Variants in VPS54 observed in about 807,000 individuals in gnomAD.
VPS54 encodes the protein vacuolar protein sorting-associated protein 54.
VPS54 carries 45 observed loss-of-function variants against 121.5 expected under a neutral mutation model. That is an observed-to-expected ratio of 0.37 (90% CI 0.29 to 0.47). VPS54 has a LOEUF of 0.47. VPS54 is among the 20% of genes least tolerant of loss of function. The pLI is 0.99. For synonymous variants in VPS54, 371 were observed against 385.8 expected (o/e 0.96, Z 0.45); for missense variants, 1,090 against 1,131.4 (o/e 0.96, Z 0.52).
intron 8 of VPS54, among the ~76,000 whole-genome samples, chr2:63,948,459 A>G (rs4517960): frequency 0.14 from 19,722 of 141,454 alleles, 2,541 homozygotes; most frequent in African/African-American, 0.35. Context: ...GCTATGTCAC[A>G]ATCATGGCTC....
At chr2:63,969,544 C>T (rs574931686) in intron 4 of VPS54, among the ~76,000 whole-genome samples, 2 of 152,112 alleles carry the variant, frequency 1.3e-5, no homozygotes, top group South Asian at 4.2e-4. Context: ...TCTCCCATCT[C>T]CCCCAGATGG....
At chr2:64,015,763 A>T (rs1272546732) in intron 1 of VPS54, among the ~76,000 whole-genome samples, 1 of 115,466 alleles carries the variant, frequency 8.7e-6, no homozygotes, top group African/African-American at 2.9e-5. Flanking sequence ...ATTTGGATTT[A>T]AAAAAATAAG....
intron 3 of VPS54, among the ~76,000 whole-genome samples, chr2:63,975,902 T>G (rs1052563202): frequency 2.0e-5 from 3 of 152,148 alleles, no homozygotes. Context: ...TGCGCCACCA[T>G]GCCCAGCTAA....
intron 2 of VPS54, among the ~76,000 whole-genome samples, chr2:63,982,526 C>A (rs757736680): frequency 6.6e-6 from 1 of 152,198 alleles, no homozygotes; most frequent in Non-Finnish European, 1.5e-5. Context: ...GTTTCATCAA[C>A]TGATCAATAC....
intron 15 of VPS54, 52 bp from the exon 16 acceptor site, chr2:63,917,015 T>A (rs117915035): frequency 6.3e-7 from 1 of 1,582,652 alleles, no homozygotes; most frequent in Non-Finnish European, 8.7e-7. Context: ...CGAAACAAAA[T>A]AGAGAAAAAG....
chr2:63,896,186 CTA>C (rs1306229453), intron 22 of VPS54, among the ~76,000 whole-genome samples: 7 of 152,138 alleles, frequency 4.6e-5, no homozygotes, highest in East Asian at 1.9e-4. Flanking sequence ...ATATCTGACT[CTA>C]TGTTGGTATA....
chr2:64,013,651 GATAT>G (rs920624746), intron 1 of VPS54, among the ~76,000 whole-genome samples: 1 of 140,478 alleles, frequency 7.1e-6, no homozygotes, highest in East Asian at 2.1e-4. Flanking sequence ...TCAATATATA[GATAT>G]ATATTGATAT....
At chr2:63,935,808 A>G (rs751253186) in intron 11 of VPS54, among the ~76,000 whole-genome samples, 22 of 152,212 alleles carry the variant, frequency 1.4e-4, no homozygotes, top group Non-Finnish European at 2.8e-4. Flanking sequence ...GGTTCAATCA[A>G]TTAAAGCCAA....
In VPS54 at chr2:64,016,243, T is replaced by C. The variant is rs191426584; in HGVS notation, c.-21+2695A>G. Among the ~76,000 whole-genome samples the C allele has an allele frequency of 3.3e-5, 5 of 152,364 alleles. No homozygotes were observed. The East Asian group carries it at 9.6e-4, about 29-fold the overall frequency. On this transcript the variant is annotated intron_variant, in intron 1 of 22. Coordinates refer to ENST00000272322, the MANE Select transcript of VPS54 (RefSeq NM_016516.3). ...CTCTTGAGGTTACTGAAGCCATTCATGCCTTCTCCAACTTTATGCTGAATA... is the reference window on the plus strand; with the variant it reads ...CTCTTGAGGTTACTGAAGCCATTCACGCCTTCTCCAACTTTATGCTGAATA...
At chr2:63,937,548 G>A (rs1013910260) in intron 11 of VPS54, among the ~76,000 whole-genome samples, 4 of 152,186 alleles carry the variant, frequency 2.6e-5, no homozygotes, top group Non-Finnish European at 4.4e-5. Flanking sequence ...TGGTGGAAAT[G>A]TAAAATGGTA....
intron 20 of VPS54, among the ~76,000 whole-genome samples, chr2:63,905,497 CA>C (rs1387993655): frequency 2.6e-5 from 4 of 151,060 alleles, no homozygotes; most frequent in Non-Finnish European, 5.9e-5. Context: ...AGATTACCCA[CA>C]TAGTTCTATA....
At chr2:64,004,387 A>C (rs1678028495) in intron 1 of VPS54, among the ~76,000 whole-genome samples, 1 of 152,236 alleles carries the variant, frequency 6.6e-6, no homozygotes, top group South Asian at 2.1e-4. Context: ...ATGGCGCCTA[A>C]GTATTACCTC....
At chr2:63,987,482 T>G (rs1409685609) in intron 1 of VPS54, among the ~76,000 whole-genome samples, 3 of 152,120 alleles carry the variant, frequency 2.0e-5, no homozygotes, top group Non-Finnish European at 4.4e-5. Context: ...TTTCTTTTTT[T>G]TGCATAGGAT....
intron 10 of VPS54, among the ~76,000 whole-genome samples, chr2:63,943,011 G>C (rs1674809125): frequency 6.6e-6 from 1 of 152,150 alleles, no homozygotes; most frequent in Non-Finnish European, 1.5e-5. Context: ...GGAATTGCTA[G>C]CTATGTGGCT....
chr2:63,978,844 T>A (rs1676667453), intron 3 of VPS54, among the ~76,000 whole-genome samples: 1 of 152,174 alleles, frequency 6.6e-6, no homozygotes, highest in Middle Eastern at 3.2e-3. Flanking sequence ...GGTCTCGAAC[T>A]CTTGACCTCA....
At chr2:63,952,199 G>A (rs186389023) in intron 7 of VPS54, among the ~76,000 whole-genome samples, 37 of 152,248 alleles carry the variant, frequency 2.4e-4, no homozygotes, top group African/African-American at 8.9e-4. Flanking sequence ...ACTGAAAAAT[G>A]TAAGGATGAA....
chr2:63,984,167 T>A, intron 1 of VPS54, 148 bp from the exon 2 acceptor site: 1 of 648,022 alleles, frequency 1.5e-6, no homozygotes, highest in Non-Finnish European at 2.4e-6. Context: ...TTGGGAAAAT[T>A]GATCACAATA....
chr2:63,987,660 A>G (rs1441328107), intron 1 of VPS54, among the ~76,000 whole-genome samples: 1 of 145,638 alleles, frequency 6.9e-6, no homozygotes, highest in Non-Finnish European at 1.6e-5. Context: ...ATCCATGAAC[A>G]CAGAATATCT....
At chr2:63,977,690 C>A (rs558004941) in intron 3 of VPS54, among the ~76,000 whole-genome samples, 1 of 152,174 alleles carries the variant, frequency 6.6e-6, no homozygotes, top group East Asian at 1.9e-4. Flanking sequence ...ACATCACAAC[C>A]GCATCTGAGT....
Sources: gnomAD v4.1 joint callset for allele counts (sites outside exome capture counted in the v4.1 genomes callset) on GRCh38, gnomAD v4.1.1 for gene constraint, MANE v1.5 for transcripts, NCBI Gene and HGNC (gene_info 2026-07-23, HGNC 2026-07-21) for gene names.